PROCR: variants seen among roughly 807,000 people sequenced by gnomAD.
PROCR encodes the protein endothelial protein C receptor.
A neutral mutation model predicts 24.2 loss-of-function variants in PROCR; 22 were observed. The observed-to-expected ratio is 0.91, with a 90% confidence interval of 0.65 to 1.30. The LOEUF (loss-of-function observed/expected upper bound fraction) is 1.30. PROCR is among the 50% of genes most tolerant of loss of function. The probability of loss-of-function intolerance (pLI) is 0.00; values close to 1 mark genes in which losing one functional copy is unlikely to be tolerated. For synonymous variants in PROCR, 137 were observed against 139.2 expected (o/e 0.98, Z 0.11); for missense variants, 288 against 307.7 (o/e 0.94, Z 0.48).
At chr20:35,171,836 C>A (rs113347910), upstream of PROCR, among the ~76,000 whole-genome samples, 1,511 of 152,208 alleles carry the variant, frequency 9.9e-3, 32 homozygotes, top group African/African-American at 0.033. Flanking sequence ...CCTTCTCCCC[C>A]TTTTCCGCTC....
At chr20:35,194,247 G>C (rs958860132) in intron 1 of PROCR, among the ~76,000 whole-genome samples, 2 of 152,124 alleles carry the variant, frequency 1.3e-5, no homozygotes, top group Non-Finnish European at 2.9e-5. Flanking sequence ...TGAGGAGTTT[G>C]GTTTGTTTTA....
intron 1 of PROCR, among the ~76,000 whole-genome samples, chr20:35,182,959 G>T (rs2086090685): frequency 7.2e-6 from 1 of 138,768 alleles, no homozygotes; most frequent in Non-Finnish European, 1.5e-5. Context: ...GGGCGACAGA[G>T]CGAGACTCCG....
chr20:35,200,804 T>A (rs990967059), intron 1 of PROCR, among the ~76,000 whole-genome samples: 1 of 152,088 alleles, frequency 6.6e-6, no homozygotes, highest in Non-Finnish European at 1.5e-5. Flanking sequence ...GTTGCCACCA[T>A]GCCCGGCTAA....
At chr20:35,212,325 C>T (rs1028973071) in intron 1 of PROCR, among the ~76,000 whole-genome samples, 2 of 152,164 alleles carry the variant, frequency 1.3e-5, no homozygotes, top group African/African-American at 4.8e-5. Flanking sequence ...GGACTTGTGA[C>T]CTCTGTAGTC....
At chr20:35,173,605 T>C (rs2069943) in intron 1 of PROCR, among the ~76,000 whole-genome samples, 93,149 of 151,282 alleles carry the variant, frequency 0.62, 29,895 homozygotes, top group African/African-American at 0.8. Flanking sequence ...AATATTTGTA[T>C]TTTTAGTACA....
chr20:35,173,423 C>CTTTTTTTTTTTTTTTTTTTTTT (rs58785250), intron 1 of PROCR, among the ~76,000 whole-genome samples: 5 of 88,154 alleles, frequency 5.7e-5, no homozygotes, highest in Non-Finnish European at 1.1e-4. Flanking sequence ...TTTCTTTTTT[C>CTTTTTTTTTTTTTTTTTTTTTT]TTTTTTTTTT....
At position 35,174,956 on chromosome 20, in the gene PROCR, G is replaced by A. The variant is rs1416154138; in HGVS notation, c.322+3G>A. 1.5e-5 allele frequency: 21 copies of A among 1,430,052 alleles called. No homozygotes were observed. The highest frequency in any genetic ancestry group is 4.2e-5 in the Admixed American group (2 of 47,510). 88.6% of individuals were successfully genotyped at this position (1,430,052 alleles called of 1,614,324 possible). ...GCACCAGGAGCGGACCTTGGCCTGT[G>A]AGTAGGCGCGCAGCGGGGGCGGGGT... On this transcript the variant is annotated splice_donor_region_variant and intron_variant, in intron 2 of 3. Transcript: ENST00000216968.
In PROCR at chr20:35,186,055, C is replaced by T. The variant is rs142820715; in HGVS notation, c.94+9609C>T. The stretch of plus-strand genomic sequence containing the variant: ...GAGTTATTGTGTGGCCCAGCAAGTC[C>T]GCTCCTAGTATATGCCCAAGAAAAT... On this transcript the variant is annotated intron_variant, in intron 1 of 1. Coordinates refer to the PROCR transcript ENST00000634509. 1.5e-4 allele frequency among the ~76,000 whole-genome samples: 23 copies of T among 152,222 alleles called. No homozygotes were observed. In the East Asian group the frequency reaches 2.7e-3, roughly 18 times the overall value.
chr20:35,212,905 C>G (rs1487543649), intron 1 of PROCR, among the ~76,000 whole-genome samples: 1 of 152,080 alleles, frequency 6.6e-6, no homozygotes, highest in Non-Finnish European at 1.5e-5. Flanking sequence ...TTTATCATGC[C>G]CTCTTTAACA....
At chr20:35,173,587 G>A (rs1218876452) in intron 1 of PROCR, among the ~76,000 whole-genome samples, 2 of 151,746 alleles carry the variant, frequency 1.3e-5, no homozygotes, top group African/African-American at 2.4e-5. Flanking sequence ...GTACCACCAC[G>A]CCTGGCTAAT....
At chr20:35,171,787 C>CA (rs2085952365), upstream of PROCR, among the ~76,000 whole-genome samples, 1 of 152,054 alleles carries the variant, frequency 6.6e-6, no homozygotes, top group African/African-American at 2.4e-5. Flanking sequence ...GTAGATGCCC[C>CA]ACCCCCTGAG....
At chr20:35,205,761 A>ATATATATATATATATG (rs2060337024) in intron 1 of PROCR, among the ~76,000 whole-genome samples, 1 of 40,816 alleles carries the variant, frequency 2.5e-5, no homozygotes, top group Non-Finnish European at 5.4e-5. Context: ...AAATATATAT[A>ATATATATATATATATG]TATATATATA....
intron 1 of PROCR, chr20:35,215,881 A>G (rs1305917998): frequency 2.4e-5 from 24 of 985,116 alleles, no homozygotes; most frequent in Non-Finnish European, 2.7e-5. Context: ...TCTCATTTAT[A>G]TTTCCTTTCA....
At chr20:35,180,449 C>T (rs6088753), downstream of PROCR, among the ~76,000 whole-genome samples, 93,332 of 151,894 alleles carry the variant, frequency 0.61, 29,943 homozygotes, top group African/African-American at 0.8. Flanking sequence ...AAAGTTCGGT[C>T]ATTTTGGCCA....
chr20:35,185,539 G>A, intron 1 of PROCR, among the ~76,000 whole-genome samples: 1 of 152,262 alleles, frequency 6.6e-6, no homozygotes, highest in Non-Finnish European at 1.5e-5. Flanking sequence ...TATATATGAT[G>A]GAGTACTACT....
chr20:35,176,741 C>T lies in PROCR; in HGVS notation c.645C>T (p.Val215=). 6.2e-7 allele frequency: 1 copy of T among 1,613,978 alleles called. No individual in the cohort carries two copies. The highest frequency in any genetic ancestry group is 1.1e-5 in the South Asian group (1 of 91,010). ...SRSYTSLVLG[V]LVGSFIIAGV... ...CCTACACTTCGCTGGTCCTGGGCGT[C>T]CTGGTGGGCAGTTTCATCATTGCTG... Residue 215 remains valine (V), a synonymous_variant, in exon 4 of 4, where the codon GTC becomes GTT. Transcript: ENST00000216968.
chr20:35,206,707 T>C (rs12481169), intron 1 of PROCR, among the ~76,000 whole-genome samples: 62,452 of 151,840 alleles, frequency 0.41, 13,565 homozygotes, highest in East Asian at 0.64. Flanking sequence ...ACAATACCAA[T>C]TGTTGGTGAG....
In PROCR at chr20:35,176,734, T is replaced by C. The variant is rs755587755; in HGVS notation, c.638T>C (p.Leu213Pro). 1.9e-6 allele frequency: 3 copies of C among 1,613,824 alleles called. No individual in the cohort carries two copies. Among genetic ancestry groups the C allele is most frequent in the Non-Finnish European group, 2.5e-6 (3 of 1,179,916 alleles). ...QTSRSYTSLV[L>P]GVLVGSFIIA... The stretch of plus-strand genomic sequence containing the variant: ...AGCCGCTCCTACACTTCGCTGGTCC[T>C]GGGCGTCCTGGTGGGCAGTTTCATC... Residue 213 changes from leucine to proline, a missense_variant, in exon 4 of 4, where the codon CTG (leucine) becomes CCG (proline). By Grantham distance (98) the Leu-to-Pro change is moderately conservative. Transcript: ENST00000216968.
intron 1 of PROCR, among the ~76,000 whole-genome samples, chr20:35,196,591 A>C (rs2086218635): frequency 6.6e-6 from 1 of 152,226 alleles, no homozygotes; most frequent in South Asian, 2.1e-4. Context: ...TGCTGAAAGA[A>C]AAGAACTGTC....
Sources: allele counts gnomAD v4.1 joint callset (sites outside exome capture counted in the v4.1 genomes callset), GRCh38; gene constraint gnomAD v4.1.1; transcripts MANE v1.5; gene names NCBI Gene and HGNC (gene_info 2026-07-23, HGNC 2026-07-21).